The following KRT6C variants were observed in gnomAD, a reference collection of about 807,000 sequenced individuals.
KRT6C encodes keratin 6C.
In KRT6C, 46 loss-of-function variants were observed where a neutral mutation model predicts 49.4. The ratio of observed to expected loss-of-function variants is 0.93; its 90% CI spans 0.74 to 1.19. The LOEUF is 1.19. Ranked by LOEUF, KRT6C falls within the 50% of genes most tolerant of loss-of-function variation. The pLI is 0.00. For missense variants in KRT6C, 552 were observed against 737.5 expected, an observed-to-expected ratio of 0.75 and a Z score of 2.91; for synonymous variants, 236 against 297.1, an observed-to-expected ratio of 0.79 and a Z score of 2.12.
chr12:52,470,170 C>T (rs931990855), intron 6 of KRT6C: 67 of 601,944 alleles, frequency 1.1e-4, no homozygotes, highest in Non-Finnish European at 1.6e-4. Context: ...GATGAATGCT[C>T]GGTTTGTACT....
intron 7 of KRT6C, 91 bp from the exon 8 acceptor site, chr12:52,469,536 T>C (rs1937834543): frequency 1.6e-5 from 25 of 1,612,736 alleles, no homozygotes; most frequent in Non-Finnish European, 2.0e-5. Flanking sequence ...GAAGAGTCCA[T>C]GGGAAACTGC....
At chr12:52,470,188 G>A (rs890672287) in intron 6 of KRT6C, 6 of 599,922 alleles carry the variant, frequency 1.0e-5, no homozygotes, top group African/African-American at 5.6e-5. Context: ...ACTGAGTGCT[G>A]TTTTCAAAAC....
chr12:52,470,724 A>G, intron 5 of KRT6C, 94 bp from the exon 6 acceptor site: 2 of 1,611,684 alleles, frequency 1.2e-6, no homozygotes, highest in Non-Finnish European at 1.7e-6. Context: ...CATGAAGTGG[A>G]CCTAATGGCT....
At position 52,471,118 on chromosome 12, in the gene KRT6C, C is replaced by A; in HGVS notation, c.1077+14G>T. ...ACACAAGGATTCCTCAGCAGCTGCC[C>A]ACTCCCTGCTCACCTTGGTCTGGTA... is the stretch of plus-strand genomic sequence containing the variant. On this transcript the variant is annotated intron_variant, in intron 5 of 8. Transcript: ENST00000252250. 1 of 1,614,154 alleles carries A rather than the reference C, an allele frequency of 6.2e-7. No homozygotes were observed. Among genetic ancestry groups the A allele is most frequent in the Non-Finnish European group, 8.5e-7 (1 of 1,180,014 alleles).
chr12:52,472,983 C>T (rs558001146), intron 1 of KRT6C, among the ~76,000 whole-genome samples: 16 of 150,894 alleles, frequency 1.1e-4, no homozygotes, highest in Non-Finnish European at 2.1e-4. Context: ...AAAGTTACGG[C>T]TCTCCCTAGG....
intron 6 of KRT6C, 24 bp from the exon 7 acceptor site, chr12:52,469,914 G>C (rs1333535786): frequency 6.2e-7 from 1 of 1,613,704 alleles, no homozygotes; most frequent in East Asian, 2.2e-5. Context: ...GGAAGAGAAG[G>C]AACTTCTTGT....
chr12:52,470,397 C>G, intron 6 of KRT6C, 108 bp downstream of exon 6: 4 of 1,587,816 alleles, frequency 2.5e-6, no homozygotes, highest in Non-Finnish European at 3.5e-6. Context: ...ATGTTCCTCA[C>G]CCTAGTGTTG....
At chr12:52,469,503 A>T (rs1937833941) in intron 7 of KRT6C, 58 bp from the exon 8 acceptor site, 1 of 1,613,724 alleles carries the variant, frequency 6.2e-7, no homozygotes, top group East Asian at 2.2e-5. Flanking sequence ...TCCCTGGACC[A>T]GTGTGGGCAG....
rs2121517704 is a variant in KRT6C at position 52,469,734 on chromosome 12, C to T, written c.1360G>A (p.Val454Ile). The T allele has an allele frequency of 6.2e-7, 1 of 1,614,134 alleles. No individual in the cohort carries two copies. Among genetic ancestry groups the T allele is most frequent in the Non-Finnish European group, 8.5e-7 (1 of 1,180,008 alleles). ...LLKEYQELMNVKLALDVEIAT... is the reference protein window; with the variant it reads ...LLKEYQELMNIKLALDVEIAT... ...ATCTCCACATCCAGGGCCAGCTTGA[C>T]ATTCATCAGCTCCTGGTACTCCTTC... The change falls in exon 7 of 9, where the codon GTC (valine) becomes ATC (isoleucine). Residue 454 changes from valine (V) to isoleucine (I), a missense_variant. Val to Ile is a conservative substitution (Grantham distance 29). Coordinates refer to ENST00000252250, the MANE Select transcript of KRT6C (RefSeq NM_173086.5).
At chr12:52,471,585 C>G (rs1592177584) in intron 3 of KRT6C, 69 bp from the exon 4 acceptor site, 1 of 1,373,250 alleles carries the variant, frequency 7.3e-7, no homozygotes, top group East Asian at 2.4e-5. Context: ...TTCTAGTCCT[C>G]CTGCCAATTC....
chr12:52,470,362 T>C, intron 6 of KRT6C, 143 bp downstream of exon 6: 4 of 1,455,934 alleles, frequency 2.7e-6, no homozygotes, highest in Admixed American at 1.8e-5. Context: ...CTCTATTGAG[T>C]TCTCACTGAG....
Position 52,471,133 on chromosome 12 carries a change from T to G in KRT6C, c.1076A>C (p.Lys359Thr). Residue 359 changes from lysine (K) to threonine (T), a missense_variant and splice_region_variant, in exon 5 of 9, where the codon AAG becomes ACG. Around this residue, in one of 3 missense-constraint regions of KRT6C, gnomAD observed 425 missense variants for 439.4 expected, o/e 0.97. Coordinates refer to ENST00000252250, the MANE Select transcript of KRT6C (RefSeq NM_173086.5). ...RAEAESWYQT[K>T]YEELQVTAGR... ...AGCAGCTGCCCACTCCCTGCTCACC[T>G]TGGTCTGGTACCAGGACTCAGCCTC... 20 of 1,614,178 alleles carry G rather than the reference T, an allele frequency of 1.2e-5. No homozygotes were observed. Among genetic ancestry groups the G allele is most frequent in the Non-Finnish European group, 1.6e-5 (19 of 1,180,030 alleles).
rs750307415 is a variant in KRT6C, at chr12:52,469,040, A to G, written c.*22T>C. 2.5e-6 allele frequency: 4 copies of G among 1,614,038 alleles called. No homozygotes were observed. The South Asian group carries it at 4.4e-5, about 18-fold the overall frequency. The stretch of plus-strand genomic sequence containing the variant: ...CAGAGAAGGGCCTGAGGACTGTGGG[A>G]CCGAGAGCTGGAGGCAGCACTTTAG... On this transcript the variant is annotated 3_prime_UTR_variant, in exon 9 of 9. Coordinates refer to ENST00000252250, the MANE Select transcript of KRT6C (RefSeq NM_173086.5).
intron 4 of KRT6C, 21 bp from the exon 5 acceptor site, chr12:52,471,317 A>G (rs1224609640): frequency 6.2e-7 from 1 of 1,614,104 alleles, no homozygotes; most frequent in Non-Finnish European, 8.5e-7. Flanking sequence ...GAAGGTCATA[A>G]GATCAACTTC....
rs1474185675 is a variant in KRT6C at position 52,472,453 on chromosome 12, C to T, written c.541-173G>A. Reference sequence around the variant, plus strand: ...CAACCCCTTCTCCTTTGCACCCCACCAGTCTCACTAGAGAAATTGTCCCAT... The same window carrying T: ...CAACCCCTTCTCCTTTGCACCCCACTAGTCTCACTAGAGAAATTGTCCCAT... On this transcript the variant is annotated intron_variant, in intron 1 of 8. Coordinates refer to ENST00000252250, the MANE Select transcript of KRT6C (RefSeq NM_173086.5). 1.5e-5 allele frequency among the ~76,000 whole-genome samples: 2 copies of T among 135,306 alleles called. 1 individual carries two copies. Among genetic ancestry groups the T allele is most frequent in the African/African-American group, 4.9e-5 (2 of 40,730 alleles). 88.8% of individuals were successfully genotyped at this position (135,306 alleles called of 152,430 possible). A position where few individuals can be genotyped will look rare whatever the true frequency, so the allele number is the denominator to read the frequency against.
At chr12:52,469,987 C>T in intron 6 of KRT6C, 97 bp from the exon 7 acceptor site, 3 of 1,344,458 alleles carry the variant, frequency 2.2e-6, no homozygotes, top group Non-Finnish European at 2.1e-6. Context: ...CCAAAATTGA[C>T]AGAGAATGAG....
Position 52,469,719 on chromosome 12 carries a change from C to G in KRT6C, c.1375G>C (p.Asp459His). The G allele has an allele frequency of 6.2e-7, 1 of 1,614,184 alleles. No individual in the cohort carries two copies. The highest frequency in any genetic ancestry group is 1.3e-5 in the African/African-American group (1 of 75,052). The change falls in exon 7 of 9, where the codon GAT becomes CAT. Residue 459 changes from aspartate to histidine, a missense_variant. Transcript: ENST00000252250. ...QELMNVKLALDVEIATYRKLL... is the reference protein window; with the variant it reads ...QELMNVKLALHVEIATYRKLL... ...TTGCGGTAGGTGGCGATCTCCACAT[C>G]CAGGGCCAGCTTGACATTCATCAGC...
In KRT6C at chr12:52,472,573, T is replaced by C. The variant is rs1937907014; in HGVS notation, c.541-293A>G. The stretch of plus-strand genomic sequence containing the variant: ...TTTCCAGGCACAATCACAAATCTAG[T>C]TTAAAAATACTAATTACCTGATATA... On this transcript the variant is annotated intron_variant, in intron 1 of 8. Coordinates refer to ENST00000252250, the MANE Select transcript of KRT6C (RefSeq NM_173086.5). 2.2e-5 allele frequency among the ~76,000 whole-genome samples: 3 copies of C among 135,292 alleles called. 1 individual carries two copies. The highest frequency in any genetic ancestry group is 4.0e-3 in the Middle Eastern group (1 of 250). 88.8% of individuals were successfully genotyped at this position (135,292 alleles called of 152,430 possible).
rs200613767 is a variant in KRT6C, at chr12:52,473,677, T to C, written c.61A>G (p.Asn21Asp). 2.8e-4 allele frequency: 450 copies of C among 1,613,110 alleles called. No individual in the cohort carries two copies. Among genetic ancestry groups the C allele is most frequent in the Non-Finnish European group, 1.5e-4 (179 of 1,179,940 alleles). Reference sequence around the variant, plus strand: ...CTGACCCCAGGGAGCCTGGCTGAGTTGGCACTGAAACCCCGGCGGCTGCTG... The same window carrying C: ...CTGACCCCAGGGAGCCTGGCTGAGTCGGCACTGAAACCCCGGCGGCTGCTG... ...HSSSRRGFSA[N>D]SARLPGVSRS... Residue 21 changes from asparagine to aspartate, a missense_variant, in exon 1 of 9, where the codon AAC (asparagine) becomes GAC (aspartate). Coordinates refer to ENST00000252250, the MANE Select transcript of KRT6C (RefSeq NM_173086.5).
Sources: allele counts gnomAD v4.1 joint callset (sites outside exome capture counted in the v4.1 genomes callset), GRCh38; gene constraint gnomAD v4.1.1; regional missense constraint gnomAD v4.1.1; transcripts MANE v1.5; gene names NCBI Gene and HGNC (gene_info 2026-07-23, HGNC 2026-07-21).